Variants in PTP4A3 observed in about 807,000 individuals in gnomAD.
PTP4A3 encodes the protein protein tyrosine phosphatase type IVA 3.
Under a neutral mutation model 15.2 loss-of-function variants are expected in PTP4A3, and 9 were observed. The ratio of observed to expected loss-of-function variants is 0.59; its 90% confidence interval spans 0.36 to 1.03. PTP4A3 has a LOEUF of 1.03. Ranked by LOEUF, PTP4A3 falls within the 50% of genes least tolerant of loss-of-function variation. The pLI, the probability that PTP4A3 is intolerant of heterozygous loss-of-function variation, is 0.02. For synonymous variants in PTP4A3, 95 were observed against 102.0 expected (o/e 0.93, Z 0.41); for missense variants, 234 against 252.1 (o/e 0.93, Z 0.49).
At chr8:141,414,512 G>C (rs1358710189) in intron 1 of PTP4A3, among the ~76,000 whole-genome samples, 2 of 152,234 alleles carry the variant, frequency 1.3e-5, no homozygotes, top group East Asian at 3.9e-4. Context: ...CAGCAGCCTG[G>C]TGGCAGGTGT....
chr8:141,426,402 C>T, intron 3 of PTP4A3: 1 of 981,114 alleles, frequency 1.0e-6, no homozygotes, highest in South Asian at 4.7e-5. Flanking sequence ...CCCGGTGGAA[C>T]CGCCTGTTTC....
At chr8:141,424,895 G>T (rs1833494391) in intron 2 of PTP4A3, among the ~76,000 whole-genome samples, 153 bp from the exon 3 acceptor site, 1 of 152,004 alleles carries the variant, frequency 6.6e-6, no homozygotes, top group Non-Finnish European at 1.5e-5. Flanking sequence ...TGAGGGGACA[G>T]GGCTCCACCC....
intron 1 of PTP4A3, among the ~76,000 whole-genome samples, chr8:141,414,245 G>C (rs1332071846): frequency 2.0e-5 from 3 of 152,220 alleles, no homozygotes; most frequent in Non-Finnish European, 4.4e-5. Context: ...TGCCATTGTG[G>C]AGCTGTCCTG....
At chr8:141,422,474 A>G in intron 2 of PTP4A3, 129 bp downstream of exon 2, 1 of 979,608 alleles carries the variant, frequency 1.0e-6, no homozygotes, top group Non-Finnish European at 1.6e-6. Context: ...GCCTTGGAAC[A>G]AAGCCCAGTC....
At chr8:141,415,650 G>A (rs1403636337) in intron 1 of PTP4A3, among the ~76,000 whole-genome samples, 1 of 12,014 alleles carries the variant, frequency 8.3e-5, no homozygotes. Context: ...GGGCGGGGGG[G>A]CAGGGGGCAG....
intron 3 of PTP4A3, among the ~76,000 whole-genome samples, chr8:141,426,248 C>T (rs1055090771): frequency 6.6e-6 from 1 of 152,188 alleles, no homozygotes; most frequent in African/African-American, 2.4e-5. Flanking sequence ...GAAACGTGTC[C>T]ACTCCTACTG....
At chr8:141,404,436 C>A (rs75654502) in intron 1 of PTP4A3, among the ~76,000 whole-genome samples, 5 of 152,188 alleles carry the variant, frequency 3.3e-5, no homozygotes, top group Admixed American at 2.0e-4. Context: ...CTCTCTCCCC[C>A]TGTCCTGGGG....
chr8:141,413,154 G>A (rs1832914186), intron 1 of PTP4A3, among the ~76,000 whole-genome samples: 1 of 152,224 alleles, frequency 6.6e-6, no homozygotes, highest in Non-Finnish European at 1.5e-5. Context: ...GCTGTGCCTG[G>A]TGTGCCAGGG....
rs575599493 is a variant in PTP4A3 at position 141,425,214 on chromosome 8, C to T, written c.198+74C>T. 41 of 1,405,408 alleles carry T rather than the reference C, an allele frequency of 2.9e-5. 1 individual carries two copies. The highest frequency in any genetic ancestry group is 2.4e-4 in the Admixed American group (13 of 54,004). 87.1% of individuals were successfully genotyped at this position (1,405,408 alleles called of 1,614,324 possible). A position where few individuals can be genotyped will look rare whatever the true frequency, so the allele number is the denominator to read the frequency against. ...GGTGGGGCGGGGGGCTCCGGGCCTG[C>T]GCAGAGGGTTTGGTGCCCCTCCTGT... On this transcript the variant is annotated intron_variant, in intron 3 of 5. Coordinates refer to ENST00000521578, the MANE Select transcript of PTP4A3 (RefSeq NM_032611.3). This position sits in a 1 kb window ranked among gnomAD's most constrained non-coding sequence, Gnocchi z 4.2.
In PTP4A3 at chr8:141,427,730, G is replaced by A. The variant is rs1411589045; in HGVS notation, c.330-20G>A. On this transcript the variant is annotated intron_variant, in intron 4 of 5. Coordinates refer to ENST00000521578, the MANE Select transcript of PTP4A3 (RefSeq NM_032611.3). The stretch of plus-strand genomic sequence containing the variant: ...GGGTGCGCAGGCTCCGATGACCCCC[G>A]CCCTGCTGTTTGCCCCCAGGGCTCC... 1.6e-5 allele frequency: 25 copies of A among 1,547,700 alleles called. No individual in the cohort carries two copies. The highest frequency in any genetic ancestry group is 2.4e-5 in the East Asian group (1 of 40,874).
intron 1 of PTP4A3, among the ~76,000 whole-genome samples, chr8:141,404,585 A>G (rs1002723775): frequency 1.3e-5 from 2 of 152,222 alleles, no homozygotes; most frequent in Non-Finnish European, 2.9e-5. Context: ...GTGCCCAGTA[A>G]GTGTGGGCTG....
At chr8:141,410,560 C>T (rs567931942) in intron 1 of PTP4A3, among the ~76,000 whole-genome samples, 1 of 152,216 alleles carries the variant, frequency 6.6e-6, no homozygotes, top group Non-Finnish European at 1.5e-5. Context: ...GGGACTCAAG[C>T]GAGGCCTCTT....
intron 1 of PTP4A3, among the ~76,000 whole-genome samples, chr8:141,396,546 C>T (rs969008217): frequency 6.6e-5 from 10 of 152,182 alleles, no homozygotes; most frequent in African/African-American, 2.2e-4. Flanking sequence ...CTACTGTGTG[C>T]CTGCTCTGGC....
In PTP4A3 at chr8:141,425,196, C is replaced by CGGGGGGCGGGGGGGGGGGGGGGGGGG; in HGVS notation, c.198+63_198+64insGGGGGGGGGGGGGGGGGGGGGGGGGC. The CGGGGGGCGGGGGGGGGGGGGGGGGGG allele has an allele frequency of 2.8e-6, 1 of 361,486 alleles. No homozygotes were observed. The highest frequency in any genetic ancestry group is 5.4e-6 in the Non-Finnish European group (1 of 185,990). 22.4% of individuals were successfully genotyped at this position (361,486 alleles called of 1,614,324 possible). A position where few individuals can be genotyped will look rare whatever the true frequency, so the allele number is the denominator to read the frequency against. On this transcript the variant is annotated intron_variant, in intron 3 of 5. Coordinates refer to ENST00000521578, the MANE Select transcript of PTP4A3 (RefSeq NM_032611.3). The surrounding 1 kb of genome is among the most constrained non-coding windows in gnomAD (Gnocchi z 4.2). Reference sequence around the variant, plus strand: ...CTGCTGCCACCGGGGGAGGGTGGGGCGGGGGGCTCCGGGCCTGCGCAGAGG... The same window carrying CGGGGGGCGGGGGGGGGGGGGGGGGGG: ...CTGCTGCCACCGGGGGAGGGTGGGGCGGGGGGCGGGGGGGGGGGGGGGGGGGGGGGGGCTCCGGGCCTGCGCAGAGG...
rs1247870963 is a variant in PTP4A3, at chr8:141,431,232, G to C, written c.*188G>C. 1 of 606,570 alleles carries C rather than the reference G, an allele frequency of 1.6e-6. No homozygotes were observed. The highest frequency in any genetic ancestry group is 2.9e-6 in the Non-Finnish European group (1 of 344,974). 37.6% of individuals were successfully genotyped at this position (606,570 alleles called of 1,614,324 possible). ...GAGCGAGGAGCCCCTCGGGCCCTGGGTGGCCTCTGGGCCCTTTCTCCTGTC... is the reference window on the plus strand; with the variant it reads ...GAGCGAGGAGCCCCTCGGGCCCTGGCTGGCCTCTGGGCCCTTTCTCCTGTC... On this transcript the variant is annotated 3_prime_UTR_variant, in exon 6 of 6. Transcript: ENST00000521578.
At chr8:141,409,868 T>C (rs1302013066) in intron 1 of PTP4A3, among the ~76,000 whole-genome samples, 1 of 152,230 alleles carries the variant, frequency 6.6e-6, no homozygotes, top group Non-Finnish European at 1.5e-5. Context: ...CAGCGGTGCC[T>C]GCGGGGGCCC....
intron 1 of PTP4A3, among the ~76,000 whole-genome samples, chr8:141,413,926 C>G (rs1832941557): frequency 6.6e-6 from 1 of 152,206 alleles, no homozygotes; most frequent in African/African-American, 2.4e-5. Flanking sequence ...GCTGTGTGGA[C>G]AGGAGGACAT....
intron 1 of PTP4A3, among the ~76,000 whole-genome samples, chr8:141,396,809 G>A (rs909614943): frequency 1.3e-5 from 2 of 152,306 alleles, no homozygotes; most frequent in Admixed American, 6.5e-5. Context: ...CGCATAACCC[G>A]AGGGGCTGCA....
At chr8:141,419,121 T>C (rs1362365773) in intron 1 of PTP4A3, among the ~76,000 whole-genome samples, 1 of 152,116 alleles carries the variant, frequency 6.6e-6, no homozygotes, top group African/African-American at 2.4e-5. Context: ...ATGTGTGGCA[T>C]CCTTAGGCCT....
Sources: gnomAD v4.1 joint callset for allele counts (sites outside exome capture counted in the v4.1 genomes callset) on GRCh38, gnomAD v4.1.1 for gene constraint, Gnocchi (gnomAD v3.1) non-coding constraint, MANE v1.5 for transcripts, NCBI Gene and HGNC (gene_info 2026-07-23, HGNC 2026-07-21) for gene names.